Variants in ZNF75D observed in about 807,000 individuals in gnomAD.
The protein encoded by ZNF75D is zinc finger protein 75D.
In ZNF75D, 33 loss-of-function variants were observed where a neutral mutation model predicts 33.3. The observed-to-expected ratio is 0.99, with a 90% CI of 0.75 to 1.32. The LOEUF is 1.32. Ranked by LOEUF, ZNF75D falls within the 40% of genes most tolerant of loss-of-function variation. The pLI, the probability that ZNF75D is intolerant of heterozygous loss-of-function variation, is 0.00. For missense variants in ZNF75D, 338 were observed against 367.5 expected (o/e 0.92, Z 0.66); for synonymous variants, 113 against 130.6 (o/e 0.87, Z 0.92).
chrX:135,257,025 C>T (rs1345553158), intron 1 of ZNF75D, among the ~76,000 whole-genome samples: 1 of 109,936 alleles, frequency 9.1e-6, no homozygotes, highest in African/African-American at 3.3e-5. Flanking sequence ...TGAATAACAC[C>T]CAGCGAGATG....
intron 1 of ZNF75D, among the ~76,000 whole-genome samples, chrX:135,335,161 G>C (rs2084694994): frequency 9.0e-6 from 1 of 111,605 alleles, no homozygotes; most frequent in Non-Finnish European, 1.9e-5. Flanking sequence ...AGAACAGGAG[G>C]GCAGAATGGC....
At chrX:135,265,937 T>C (rs904032008) in intron 1 of ZNF75D, among the ~76,000 whole-genome samples, 8 of 111,902 alleles carry the variant, frequency 7.1e-5, no homozygotes, top group African/African-American at 2.3e-4. Context: ...GAATAAGACA[T>C]AACAAGAAAC....
intron 1 of ZNF75D, among the ~76,000 whole-genome samples, chrX:135,334,394 A>C (rs1351849262): frequency 9.0e-6 from 1 of 111,703 alleles, no homozygotes; most frequent in Non-Finnish European, 1.9e-5. Context: ...TTACAGTCCT[A>C]GTCTGATAAG....
In ZNF75D at chrX:135,287,608, A is replaced by C. The variant is rs2083973380; in HGVS notation, c.1062T>G (p.Leu354=). The part of the protein sequence containing the change: ...CKQELPKLMD[L]HGKGPTGEKP... ...TCTCCCCTGTGGGGCCTTTCCCATG[A>C]AGATCCATAAGTTTTGGAAGCTCTT... The change falls in exon 7 of 7, where the codon CTT becomes CTG. Residue 354 remains leucine, a synonymous_variant. Coordinates refer to ENST00000370766, the MANE Select transcript of ZNF75D (RefSeq NM_007131.5). 3 of 1,209,077 alleles carry C rather than the reference A, an allele frequency of 2.5e-6. No individual in the cohort carries two copies. The South Asian group carries it at 5.3e-5, about 22-fold the overall frequency.
At chrX:135,340,257 C>G (rs1556444271) in intron 1 of ZNF75D, among the ~76,000 whole-genome samples, 1 of 112,172 alleles carries the variant, frequency 8.9e-6, no homozygotes, top group East Asian at 2.8e-4. Context: ...CAATGATTAG[C>G]TTTTGGTCAT....
Position 135,286,840 on chromosome X carries a change from G to T in ZNF75D, c.*297C>A, listed in dbSNP as rs2083960500. On this transcript the variant is annotated 3_prime_UTR_variant, in exon 7 of 7. Transcript: ENST00000370766. ...CACTTGATACCTGAAAAATTTAGAT[G>T]ACTGGGGGTGGGGAAGCTTTGAATA... 8.2e-6 allele frequency: 2 copies of T among 242,451 alleles called. No individual in the cohort carries two copies. Among genetic ancestry groups the T allele is most frequent in the Non-Finnish European group, 1.4e-5 (2 of 139,219 alleles). The allele number at this position is 242,451 out of a possible 1,213,427, so 20.0% of individuals were successfully genotyped here.
intron 1 of ZNF75D, among the ~76,000 whole-genome samples, chrX:135,307,710 G>T (rs1243699695): frequency 8.9e-6 from 1 of 111,859 alleles, no homozygotes; most frequent in Non-Finnish European, 1.9e-5. Context: ...CTTTGGGAGG[G>T]GGTCACACAG....
intron 1 of ZNF75D, among the ~76,000 whole-genome samples, chrX:135,331,603 T>C (rs1454866970): frequency 3.6e-5 from 4 of 111,030 alleles, no homozygotes; most frequent in Non-Finnish European, 7.5e-5. Flanking sequence ...TTAAAGCCAT[T>C]GCAAATTCCA....
At chrX:135,248,700 AT>A (rs1245079515), downstream of ZNF75D, among the ~76,000 whole-genome samples, 1 of 35,698 alleles carries the variant, frequency 2.8e-5, no homozygotes, top group Non-Finnish European at 5.3e-5. Flanking sequence ...CCCCCTAGAA[AT>A]TTAGGGTTGC....
chrX:135,309,790 G>A (rs2084337464), intron 1 of ZNF75D: 5 of 284,538 alleles, frequency 1.8e-5, no homozygotes, highest in Admixed American at 6.3e-5. Flanking sequence ...CATTAAAACA[G>A]AGTCTGTCAT....
chrX:135,293,870 T>G lies in ZNF75D; in HGVS notation c.271A>C (p.Met91Leu). The change falls in exon 3 of 7, where the codon ATG becomes CTG. Residue 91 changes from methionine (M) to leucine (L), a missense_variant. This residue lies in a region of ZNF75D where 254 missense variants were observed against 267.7 expected (regional missense o/e 0.95). Coordinates refer to ENST00000370766, the MANE Select transcript of ZNF75D (RefSeq NM_007131.5). Reference sequence around the variant, plus strand: ...CTCAGGAACTGCTCTAACACCAGCATTTCCAAGATCTGCTCTTTTGAGTGG... The same window carrying G: ...CTCAGGAACTGCTCTAACACCAGCAGTTCCAAGATCTGCTCTTTTGAGTGG... ...EIHSKEQILE[M>L]LVLEQFLSIL... 1 of 1,211,639 alleles carries G rather than the reference T, an allele frequency of 8.3e-7. No individual in the cohort carries two copies. The highest frequency in any genetic ancestry group is 1.7e-5 in the African/African-American group (1 of 57,891).
chrX:135,287,990 C>A, intron 6 of ZNF75D, 144 bp from the exon 7 acceptor site: 2 of 485,474 alleles, frequency 4.1e-6, no homozygotes, highest in Non-Finnish European at 6.8e-6. Context: ...ATGGCATAGA[C>A]CCATTTCTCC....
intron 1 of ZNF75D, among the ~76,000 whole-genome samples, chrX:135,278,289 G>C (rs929198814): frequency 5.4e-5 from 6 of 111,376 alleles, no homozygotes; most frequent in Non-Finnish European, 9.4e-5. Context: ...TGGCTCATCT[G>C]TCTATTATTG....
downstream of ZNF75D, among the ~76,000 whole-genome samples, chrX:135,282,631 GAATCCCC>G (rs2083924297): frequency 1.8e-5 from 2 of 111,804 alleles, no homozygotes. Flanking sequence ...GCACCTGAGG[GAATCCCC>G]TGGTCTGTGG....
intron 2 of ZNF75D, chrX:135,253,693 G>T (rs1556413897): frequency 4.1e-6 from 1 of 246,540 alleles, no homozygotes; most frequent in African/African-American, 2.9e-5. Context: ...GTGCAGGGGT[G>T]CTTAGACCCA....
intron 1 of ZNF75D, among the ~76,000 whole-genome samples, chrX:135,274,807 AG>A (rs1434842066): frequency 7.1e-5 from 8 of 112,040 alleles, no homozygotes; most frequent in Non-Finnish European, 1.5e-4. Flanking sequence ...CAATAAAGAA[AG>A]GGCTGTGATA....
Position 135,270,392 on chromosome X carries a change from T to TATATAC in ZNF75D, n.828-14616_828-14615insGTATAT, listed in dbSNP as rs1211997989. Among the ~76,000 whole-genome samples, 34 of 85,142 alleles carry TATATAC rather than the reference T, an allele frequency of 4.0e-4. 1 individual carries two copies. The highest frequency in any genetic ancestry group is 6.5e-4 in the Non-Finnish European group (28 of 43,146). 73.9% of individuals were successfully genotyped at this position (85,142 alleles called of 115,157 possible). A position where few individuals can be genotyped will look rare whatever the true frequency, so the allele number is the denominator to read the frequency against. On this transcript the variant is annotated intron_variant and non_coding_transcript_variant, in intron 1 of 3. Coordinates refer to the ZNF75D transcript ENST00000494295. ...ATATATATATATATATATATATATA[T>TATATAC]ACACATATTTATACATACCTATATA... is the stretch of plus-strand genomic sequence containing the variant.
In ZNF75D at chrX:135,301,413, G is replaced by T. The variant is rs192312649; in HGVS notation, c.-390-5374C>A. ...CATGCCTTCCCAATAGTCCCCCAAA[G>T]TCTTAATTCATTCCGGCATTAACTC... On this transcript the variant is annotated intron_variant, in intron 1 of 6. Transcript: ENST00000370766. Among the ~76,000 whole-genome samples, 16 of 111,511 alleles carry T rather than the reference G, an allele frequency of 1.4e-4. No individual in the cohort carries two copies. The East Asian group carries it at 4.2e-3, about 30-fold the overall frequency.
At chrX:135,282,271 G>A (rs1556418634), downstream of ZNF75D, among the ~76,000 whole-genome samples, 3 of 111,732 alleles carry the variant, frequency 2.7e-5, no homozygotes, top group African/African-American at 9.8e-5. Context: ...TGAACTTCCT[G>A]GTGGCTTTGT....
Sources: gnomAD v4.1 joint callset for allele counts (sites outside exome capture counted in the v4.1 genomes callset) on GRCh38, gnomAD v4.1.1 for gene constraint, gnomAD v4.1.1 regional missense constraint, MANE v1.5 for transcripts, NCBI Gene and HGNC (gene_info 2026-07-23, HGNC 2026-07-21) for gene names.